Variants in LRMDA observed in about 807,000 individuals in gnomAD.
The protein encoded by LRMDA is leucine-rich melanocyte differentiation-associated protein.
A neutral mutation model predicts 29.8 loss-of-function variants in LRMDA; 18 were observed. The ratio of observed to expected loss-of-function variants is 0.60; its 90% CI spans 0.42 to 0.90. The LOEUF (loss-of-function observed/expected upper bound fraction) is 0.90. Among genes scored for constraint, LRMDA ranks in the 40% least tolerant of loss-of-function variants. LRMDA has a pLI of 0.00. For missense variants in LRMDA, 273 were observed against 273.9 expected (o/e 1.00, Z 0.02); for synonymous variants, 125 against 109.4 (o/e 1.14, Z -0.89).
At chr10:75,796,088 T>G (rs1000315690) in intron 2 of LRMDA, among the ~76,000 whole-genome samples, 9 of 152,194 alleles carry the variant, frequency 5.9e-5, no homozygotes, top group African/African-American at 2.2e-4. Context: ...CTTCTAGTAT[T>G]TGGTTTTTAA....
chr10:75,774,628 C>T (rs1384820878), intron 2 of LRMDA, among the ~76,000 whole-genome samples: 1 of 152,004 alleles, frequency 6.6e-6, no homozygotes, highest in African/African-American at 2.4e-5. Context: ...CATAATGTAA[C>T]CATGCTTGGA....
intron 2 of LRMDA, among the ~76,000 whole-genome samples, chr10:75,647,108 G>A (rs536082295): frequency 6.6e-6 from 1 of 152,084 alleles, no homozygotes; most frequent in East Asian, 1.9e-4. Flanking sequence ...GACCTCCCCG[G>A]CTCTTGCTGC....
chr10:76,301,573 C>G (rs1311424865), intron 5 of LRMDA, among the ~76,000 whole-genome samples: 1 of 152,140 alleles, frequency 6.6e-6, no homozygotes, highest in African/African-American at 2.4e-5. Flanking sequence ...ACACAATGGC[C>G]TCTTGCTTTG....
At chr10:76,063,002 G>A (rs974006923) in intron 5 of LRMDA, among the ~76,000 whole-genome samples, 1 of 152,162 alleles carries the variant, frequency 6.6e-6, no homozygotes, top group Non-Finnish European at 1.5e-5. Flanking sequence ...CCGACAGTCA[G>A]AATTGTTTAA....
chr10:76,406,251 G>A (rs563816365), intron 6 of LRMDA, among the ~76,000 whole-genome samples: 11 of 152,248 alleles, frequency 7.2e-5, no homozygotes, highest in South Asian at 2.1e-4. Flanking sequence ...TTATGTTTCC[G>A]TGCCATCTTT....
chr10:75,652,517 A>G (rs1841612728), intron 2 of LRMDA, among the ~76,000 whole-genome samples: 1 of 152,140 alleles, frequency 6.6e-6, no homozygotes, highest in African/African-American at 2.4e-5. Flanking sequence ...TCTTCTTTAA[A>G]CTTGTCTGTG....
chr10:75,711,442 C>T lies in LRMDA; in HGVS notation c.131+272948C>T, dbSNP rs553599276. ...TGCTAGGTATAATTATCACTAGTTA[C>T]AATTCCCTGTTTTTTTGGAACATTG... is the stretch of plus-strand genomic sequence containing the variant. On this transcript the variant is annotated intron_variant, in intron 2 of 6. Coordinates refer to ENST00000611255, the MANE Select transcript of LRMDA (RefSeq NM_001305581.2). 1.5e-4 allele frequency among the ~76,000 whole-genome samples: 23 copies of T among 152,298 alleles called. No homozygotes were observed. In the South Asian group the frequency reaches 4.6e-3, roughly 30 times the overall value.
chr10:75,919,491 A>T (rs1355607050), intron 2 of LRMDA, among the ~76,000 whole-genome samples: 5 of 152,268 alleles, frequency 3.3e-5, no homozygotes, highest in African/African-American at 1.2e-4. Context: ...GTGTGGCCAA[A>T]CACAGGTACA....
chr10:75,969,073 A>T (rs1257216794), intron 2 of LRMDA, among the ~76,000 whole-genome samples: 3 of 152,194 alleles, frequency 2.0e-5, no homozygotes. Flanking sequence ...ACTGACAGCC[A>T]CTGTTGGCTG....
intron 2 of LRMDA, among the ~76,000 whole-genome samples, chr10:75,574,909 A>T (rs972541767): frequency 6.6e-6 from 1 of 152,318 alleles, no homozygotes; most frequent in East Asian, 1.9e-4. Flanking sequence ...TATAAAGAAA[A>T]GAGGTTTAAT....
chr10:76,498,961 C>T (rs111734184), intron 6 of LRMDA, among the ~76,000 whole-genome samples: 1 of 57,000 alleles, frequency 1.8e-5, no homozygotes, highest in African/African-American at 4.1e-5. Flanking sequence ...GCTGGAAAGG[C>T]CAATGAGAAG....
chr10:75,972,575 C>T (rs1846995691), intron 2 of LRMDA, among the ~76,000 whole-genome samples: 1 of 152,084 alleles, frequency 6.6e-6, no homozygotes, highest in Admixed American at 6.5e-5. Context: ...TCTTTTCTCT[C>T]TTTAAGAAAA....
At chr10:76,112,711 G>A (rs1048227896) in intron 5 of LRMDA, among the ~76,000 whole-genome samples, 1 of 152,174 alleles carries the variant, frequency 6.6e-6, no homozygotes, top group Non-Finnish European at 1.5e-5. Context: ...GGAGCCCCCA[G>A]TGCAATCTTA....
intron 6 of LRMDA, among the ~76,000 whole-genome samples, chr10:76,471,436 C>T (rs143648724): frequency 3.3e-5 from 5 of 151,030 alleles, no homozygotes; most frequent in Admixed American, 1.3e-4. Context: ...CAAAATATAG[C>T]GAAAAATTAT....
intron 6 of LRMDA, among the ~76,000 whole-genome samples, chr10:76,359,652 G>A (rs1041551460): frequency 1.3e-5 from 2 of 152,074 alleles, no homozygotes; most frequent in African/African-American, 4.8e-5. Context: ...CCATATTCCC[G>A]TGGTTTAATT....
intron 5 of LRMDA, among the ~76,000 whole-genome samples, chr10:76,146,449 C>T (rs1032000436): frequency 8.6e-5 from 13 of 151,330 alleles, no homozygotes; most frequent in African/African-American, 2.9e-4. Context: ...TATGTAATGG[C>T]CTTCTTTGTC....
chr10:76,534,773 G>T (rs940963201), intron 6 of LRMDA, among the ~76,000 whole-genome samples: 1 of 152,128 alleles, frequency 6.6e-6, no homozygotes, highest in African/African-American at 2.4e-5. Flanking sequence ...TATTGACAAA[G>T]ATTATTATTG....
intron 2 of LRMDA, among the ~76,000 whole-genome samples, chr10:75,575,121 G>A (rs1169183433): frequency 6.6e-6 from 1 of 152,142 alleles, no homozygotes; most frequent in Non-Finnish European, 1.5e-5. Flanking sequence ...TCACTATGGC[G>A]ACCAAGGGAG....
intron 2 of LRMDA, among the ~76,000 whole-genome samples, chr10:75,649,875 A>C (rs796415649): frequency 1.3e-5 from 2 of 152,280 alleles, no homozygotes; most frequent in African/African-American, 4.8e-5. Context: ...ATGATTAGTC[A>C]TATTGAATGC....
Sources: gnomAD v4.1 joint callset for allele counts (sites outside exome capture counted in the v4.1 genomes callset) on GRCh38, gnomAD v4.1.1 for gene constraint, MANE v1.5 for transcripts, NCBI Gene and HGNC (gene_info 2026-07-23, HGNC 2026-07-21) for gene names.